The following CEP128 variants were observed in gnomAD, a reference collection of about 807,000 sequenced individuals.
CEP128 encodes the protein centrosomal protein 128.
Under a neutral mutation model 156.7 loss-of-function variants are expected in CEP128, and 132 were observed. The ratio of observed to expected loss-of-function variants is 0.84; its 90% confidence interval spans 0.73 to 0.97. CEP128 has a LOEUF of 0.97. Ranked by LOEUF, CEP128 falls within the 50% of genes least tolerant of loss-of-function variation. The pLI, the probability that CEP128 is intolerant of heterozygous loss-of-function variation, is 0.00. For synonymous variants in CEP128, 469 were observed against 448.9 expected (o/e 1.04, Z -0.57); for missense variants, 1,252 against 1,281.9 (o/e 0.98, Z 0.36).
intron 2 of CEP128, among the ~76,000 whole-genome samples, chr14:80,949,456 A>AG (rs1196595979): frequency 6.6e-6 from 1 of 151,910 alleles, no homozygotes; most frequent in Admixed American, 6.6e-5. Flanking sequence ...TGTGAAAAAA[A>AG]TGAGGCTGGA....
chr14:80,514,900 T>C (rs1292618962), intron 23 of CEP128, among the ~76,000 whole-genome samples: 3 of 152,202 alleles, frequency 2.0e-5, no homozygotes, highest in Non-Finnish European at 4.4e-5. Context: ...AATTGAGTGT[T>C]GTGATCTAAG....
chr14:80,905,552 T>G (rs1045553574), intron 5 of CEP128: 1 of 167,720 alleles, frequency 6.0e-6, no homozygotes, highest in Non-Finnish European at 1.3e-5. Flanking sequence ...TCTACCTGCA[T>G]GCCAAGACTA....
intron 21 of CEP128, among the ~76,000 whole-genome samples, chr14:80,543,240 C>T (rs558825025): frequency 6.6e-6 from 1 of 152,228 alleles, no homozygotes; most frequent in African/African-American, 2.4e-5. Flanking sequence ...ACTCTTCTGG[C>T]TCTTGTAGCA....
At chr14:80,706,570 T>G (rs1340595797) in intron 19 of CEP128, among the ~76,000 whole-genome samples, 1 of 152,124 alleles carries the variant, frequency 6.6e-6, no homozygotes, top group South Asian at 2.1e-4. Context: ...ATCTCTGCTG[T>G]CAATATTTTT....
chr14:80,887,661 C>A (rs1888874742), intron 8 of CEP128, among the ~76,000 whole-genome samples: 1 of 152,022 alleles, frequency 6.6e-6, no homozygotes, highest in South Asian at 2.1e-4. Flanking sequence ...TACTAAATGC[C>A]CACATCAGAA....
intron 20 of CEP128, among the ~76,000 whole-genome samples, chr14:80,565,741 C>G (rs1890884842): frequency 1.3e-5 from 2 of 152,122 alleles, no homozygotes. Flanking sequence ...ATCAGAATAT[C>G]TAATCATTAA....
intron 8 of CEP128, among the ~76,000 whole-genome samples, chr14:80,875,762 G>A (rs550089134): frequency 6.6e-6 from 1 of 152,094 alleles, no homozygotes; most frequent in Non-Finnish European, 1.5e-5. Context: ...GATACTTTCA[G>A]GTATATGCAC....
chr14:80,792,429 A>G (rs1901756059), intron 14 of CEP128, among the ~76,000 whole-genome samples: 3 of 152,244 alleles, frequency 2.0e-5, no homozygotes, highest in Admixed American at 2.0e-4. Flanking sequence ...TGTGAAAATA[A>G]CAAAGATTTA....
chr14:80,514,361 C>T (rs1888392979), intron 23 of CEP128, among the ~76,000 whole-genome samples: 1 of 152,040 alleles, frequency 6.6e-6, no homozygotes, highest in Non-Finnish European at 1.5e-5. Flanking sequence ...AAGTCTGACT[C>T]TTTTCATCAA....
intron 20 of CEP128, among the ~76,000 whole-genome samples, chr14:80,572,912 C>T (rs1891204694): frequency 6.6e-6 from 1 of 151,930 alleles, no homozygotes; most frequent in Non-Finnish European, 1.5e-5. Flanking sequence ...TAAAACACAC[C>T]CAGGTCACTG....
intron 21 of CEP128, among the ~76,000 whole-genome samples, chr14:80,553,703 GGGTA>G (rs543036857): frequency 1.0e-3 from 157 of 152,208 alleles, no homozygotes; most frequent in African/African-American, 3.7e-3. Flanking sequence ...ACTTTTGCAT[GGGTA>G]TAGTTTTAAT....
upstream of CEP128, among the ~76,000 whole-genome samples, chr14:80,944,872 C>CA (rs1886300819): frequency 5.5e-5 from 2 of 36,374 alleles, no homozygotes; most frequent in Non-Finnish European, 6.1e-5. Context: ...AAAAACAGAA[C>CA]AAAACAAAAA....
chr14:80,565,400 A>T (rs1448926804), intron 20 of CEP128, among the ~76,000 whole-genome samples: 1 of 152,140 alleles, frequency 6.6e-6, no homozygotes, highest in Non-Finnish European at 1.5e-5. Flanking sequence ...TTGCCAAATT[A>T]TCTTTAAAAA....
chr14:80,932,977 C>T (rs372468573), intron 2 of CEP128, among the ~76,000 whole-genome samples: 35 of 152,210 alleles, frequency 2.3e-4, no homozygotes, highest in African/African-American at 7.0e-4. Flanking sequence ...CCATTTGTTG[C>T]ATTTTCATTT....
At chr14:80,677,466 GC>G (rs1896107670) in intron 19 of CEP128, among the ~76,000 whole-genome samples, 1 of 133,678 alleles carries the variant, frequency 7.5e-6, no homozygotes, top group South Asian at 2.3e-4. Context: ...CCCAGATGGC[GC>G]CACTGCACTC....
At chr14:80,566,702 C>A (rs1461297764) in intron 20 of CEP128, among the ~76,000 whole-genome samples, 1 of 152,134 alleles carries the variant, frequency 6.6e-6, no homozygotes, top group Non-Finnish European at 1.5e-5. Flanking sequence ...GGCATTGGAG[C>A]AGCTTGCACT....
chr14:80,947,769 G>A (rs979266021), intron 2 of CEP128, among the ~76,000 whole-genome samples: 2 of 152,208 alleles, frequency 1.3e-5, no homozygotes, highest in Non-Finnish European at 2.9e-5. Flanking sequence ...ATAGGAGGTT[G>A]GGGAGGCAGA....
Position 80,907,430 on chromosome 14 carries a change from C to A in CEP128, c.235-1349G>T, listed in dbSNP as rs561132957. 2.0e-5 allele frequency among the ~76,000 whole-genome samples: 3 copies of A among 151,972 alleles called. No individual in the cohort carries two copies. The South Asian group carries it at 6.2e-4, about 32-fold the overall frequency. The stretch of plus-strand genomic sequence containing the variant: ...ATCCCTGCAGTTTGGGAGGCTGAGG[C>A]GGCTGGATCACTAGGTCAGGAGTTC... On this transcript the variant is annotated intron_variant, in intron 4 of 24. Coordinates refer to ENST00000555265, the MANE Select transcript of CEP128 (RefSeq NM_152446.5).
chr14:80,677,736 C>T (rs937102461), intron 19 of CEP128, among the ~76,000 whole-genome samples: 1 of 151,668 alleles, frequency 6.6e-6, no homozygotes, highest in East Asian at 1.9e-4. Flanking sequence ...AGGGACTGAT[C>T]TAGAAATAAA....
Sources: allele counts gnomAD v4.1 joint callset (sites outside exome capture counted in the v4.1 genomes callset), GRCh38; gene constraint gnomAD v4.1.1; transcripts MANE v1.5; gene names NCBI Gene and HGNC (gene_info 2026-07-23, HGNC 2026-07-21).